Variants in RORB observed in about 807,000 individuals in gnomAD.
RORB encodes the protein RAR related orphan receptor B, also known as nuclear receptor ROR-beta.
In RORB, 6 loss-of-function variants were observed where a neutral mutation model predicts 59.1. The observed-to-expected ratio is 0.10, with a 90% CI of 0.06 to 0.20. The LOEUF is 0.20. Ranked by LOEUF, RORB falls within the 10% of genes least tolerant of loss-of-function variation. RORB has a pLI of 1.00. For missense variants in RORB, 320 were observed against 560.5 expected (o/e 0.57, Z 4.33); for synonymous variants, 215 against 204.5 (o/e 1.05, Z -0.44).
chr9:74,513,368 T>C (rs1825966412), intron 1 of RORB, among the ~76,000 whole-genome samples: 1 of 152,092 alleles, frequency 6.6e-6, no homozygotes, highest in Non-Finnish European at 1.5e-5. Flanking sequence ...TTATATTTAG[T>C]ATTAGGTTGA....
intron 1 of RORB, among the ~76,000 whole-genome samples, chr9:74,516,099 G>C (rs181141375): frequency 5.1e-4 from 78 of 152,200 alleles, no homozygotes; most frequent in African/African-American, 1.9e-3. Flanking sequence ...CCAGGTACCA[G>C]TGCCACCTCT....
chr9:74,570,235 C>T (rs986542443), intron 1 of RORB, among the ~76,000 whole-genome samples: 2 of 152,086 alleles, frequency 1.3e-5, no homozygotes, highest in African/African-American at 2.4e-5. Flanking sequence ...TGTATCATTA[C>T]GTGTATCAAT....
At chr9:74,521,410 TCAGGGGGC>T (rs1826083716) in intron 1 of RORB, among the ~76,000 whole-genome samples, 3 of 151,780 alleles carry the variant, frequency 2.0e-5, no homozygotes, top group Admixed American at 2.0e-4. Context: ...GCTGGATAAA[TCAGGGGGC>T]CATAATTTAC....
intron 6 of RORB, among the ~76,000 whole-genome samples, chr9:74,662,949 A>G (rs1352244836): frequency 1.3e-5 from 2 of 152,078 alleles, no homozygotes; most frequent in Non-Finnish European, 2.9e-5. Context: ...AAGGAAAAAA[A>G]AAAAATGCAG....
chr9:74,617,047 T>G (rs992727509), intron 1 of RORB, among the ~76,000 whole-genome samples: 5 of 151,316 alleles, frequency 3.3e-5, no homozygotes, highest in African/African-American at 1.2e-4. Flanking sequence ...TAATTCCTAG[T>G]TTTCAGTAAT....
At chr9:74,502,582 G>A (rs185992882) in intron 1 of RORB, among the ~76,000 whole-genome samples, 88 of 151,992 alleles carry the variant, frequency 5.8e-4, no homozygotes, top group Non-Finnish European at 1.1e-3. Flanking sequence ...AATTTAAAGT[G>A]CATATTATAG....
intron 1 of RORB, among the ~76,000 whole-genome samples, chr9:74,557,845 C>T (rs1026563890): frequency 6.6e-6 from 1 of 152,052 alleles, no homozygotes; most frequent in Admixed American, 6.6e-5. Flanking sequence ...TTTTGATTTC[C>T]TAACAAGGAG....
intron 1 of RORB, among the ~76,000 whole-genome samples, chr9:74,532,425 A>T (rs1403228172): frequency 6.6e-6 from 1 of 151,876 alleles, no homozygotes; most frequent in Admixed American, 6.6e-5. Context: ...TACTACTACT[A>T]ATCAGAGTGA....
intron 4 of RORB, among the ~76,000 whole-genome samples, chr9:74,647,101 T>C (rs966954954): frequency 6.6e-6 from 1 of 152,064 alleles, no homozygotes; most frequent in African/African-American, 2.4e-5. Flanking sequence ...AAGCCGAAAA[T>C]TAATATTTAG....
At chr9:74,614,840 T>C (rs1317626532) in intron 1 of RORB, among the ~76,000 whole-genome samples, 5 of 152,208 alleles carry the variant, frequency 3.3e-5, no homozygotes, top group Non-Finnish European at 7.4e-5. Flanking sequence ...TATTTATCCT[T>C]CCTAGCAAGG....
intron 1 of RORB, among the ~76,000 whole-genome samples, chr9:74,547,530 T>C (rs138440772): frequency 3.3e-5 from 5 of 152,258 alleles, no homozygotes; most frequent in Admixed American, 2.6e-4. Flanking sequence ...CAATTTTAAA[T>C]AGAGTTGTCA....
At chr9:74,680,648 A>G (rs995576349) in intron 9 of RORB, among the ~76,000 whole-genome samples, 6 of 152,146 alleles carry the variant, frequency 3.9e-5, no homozygotes, top group African/African-American at 1.2e-4. Flanking sequence ...ACTAGGTTTG[A>G]CTCAACAGAA....
intron 3 of RORB, among the ~76,000 whole-genome samples, chr9:74,636,056 AT>A (rs11461472): frequency 9.3e-5 from 14 of 150,498 alleles, no homozygotes; most frequent in African/African-American, 3.2e-4. Flanking sequence ...CTATTAACTG[AT>A]TTTTTTTTGT....
At chr9:74,565,442 T>A (rs1003200594) in intron 1 of RORB, among the ~76,000 whole-genome samples, 1 of 152,032 alleles carries the variant, frequency 6.6e-6, no homozygotes, top group South Asian at 2.1e-4. Flanking sequence ...AAATGATGAG[T>A]TTCGTCACTG....
At chr9:74,522,683 T>A (rs1405577820) in intron 1 of RORB, among the ~76,000 whole-genome samples, 7 of 151,818 alleles carry the variant, frequency 4.6e-5, no homozygotes, top group African/African-American at 1.7e-4. Flanking sequence ...TTCAGTTTTT[T>A]AAAAATGGCT....
chr9:74,661,919 T>A (rs1208341754), intron 5 of RORB, among the ~76,000 whole-genome samples: 5 of 151,974 alleles, frequency 3.3e-5, no homozygotes, highest in African/African-American at 9.7e-5. Flanking sequence ...TGCTGGGATT[T>A]CAGGCGTGAG....
At chr9:74,681,938 T>A (rs1273959065) in intron 9 of RORB, among the ~76,000 whole-genome samples, 1 of 152,214 alleles carries the variant, frequency 6.6e-6, no homozygotes. Flanking sequence ...TGTCAATGGC[T>A]GACTTTGCCA....
intron 1 of RORB, among the ~76,000 whole-genome samples, chr9:74,527,084 ACT>A (rs1327558320): frequency 6.6e-6 from 1 of 151,946 alleles, no homozygotes; most frequent in African/African-American, 2.4e-5. Flanking sequence ...TAGCCAAAAG[ACT>A]CATGAGAATT....
rs1267283269 is a variant in RORB at position 74,565,357 on chromosome 9, G to A, written c.8-64925G>A. On this transcript the variant is annotated intron_variant, in intron 1 of 9. Transcript: ENST00000376896. ...TGTTTCTTCTTTGGTTTAACATCTAGTAACTTTGAGTAGGAGAACAATGAA... is the reference window on the plus strand; with the variant it reads ...TGTTTCTTCTTTGGTTTAACATCTAATAACTTTGAGTAGGAGAACAATGAA... 1.3e-4 allele frequency among the ~76,000 whole-genome samples: 20 copies of A among 152,114 alleles called. 1 individual carries two copies. Among genetic ancestry groups the A allele is most frequent in the Non-Finnish European group, 1.5e-5 (1 of 68,012 alleles).
Sources: gnomAD v4.1 joint callset for allele counts (sites outside exome capture counted in the v4.1 genomes callset) on GRCh38, gnomAD v4.1.1 for gene constraint, MANE v1.5 for transcripts, NCBI Gene and HGNC (gene_info 2026-07-23, HGNC 2026-07-21) for gene names.